EHBP1L1: variants seen among roughly 807,000 people sequenced by gnomAD.
The protein encoded by EHBP1L1 is EH domain-binding protein 1-like protein 1.
In EHBP1L1, 122 loss-of-function variants were observed where a neutral mutation model predicts 151.1. The observed-to-expected ratio is 0.81, with a 90% CI of 0.70 to 0.94. EHBP1L1 has a LOEUF of 0.94. Ranked by LOEUF, EHBP1L1 falls within the 40% of genes least tolerant of loss-of-function variation. EHBP1L1 has a pLI of 0.00. For missense variants in EHBP1L1, 1,941 were observed against 1,959.8 expected, an observed-to-expected ratio of 0.99 and a Z score of 0.18; for synonymous variants, 878 against 810.1, an observed-to-expected ratio of 1.08 and a Z score of -1.42.
At position 65,583,831 on chromosome 11, in the gene EHBP1L1, C is replaced by T. The variant is rs547109152; in HGVS notation, c.3093+66C>T. The T allele has an allele frequency of 5.6e-6, 8 of 1,435,278 alleles. No individual in the cohort carries two copies. The East Asian group carries it at 1.0e-4, about 18-fold the overall frequency. The allele number at this position is 1,435,278 out of a possible 1,614,324, so 88.9% of individuals were successfully genotyped here. ...CACTAACCTGGGGCTGAGCGAACGG[C>T]GGCTCTGCATGGACCCACCTGGTGG... On this transcript the variant is annotated intron_variant, in intron 9 of 18. Transcript: ENST00000309295.
In EHBP1L1 at chr11:65,581,568, CCCCCA is replaced by C; in HGVS notation, c.902_906del (p.Thr301SerfsTer9). 6.6e-7 allele frequency: 1 copy of C among 1,510,052 alleles called. No individual in the cohort carries two copies. The highest frequency in any genetic ancestry group is 8.8e-7 in the Non-Finnish European group (1 of 1,130,150). 93.5% of individuals were successfully genotyped at this position (1,510,052 alleles called of 1,614,324 possible). On this transcript the variant is annotated frameshift_variant, in exon 9 of 19. Transcript: ENST00000309295. LOFTEE classifies it high-confidence loss of function. Reference sequence around the variant, plus strand: ...TCAAGGCAGCCAGCCCAGGACACGGCCCCCACCCCAGCCCCTCGGCTCCGGAAAGG... The same window carrying C: ...TCAAGGCAGCCAGCCCAGGACACGGCCCCCAGCCCCTCGGCTCCGGAAAGG...
intron 2 of EHBP1L1, 29 bp from the exon 3 acceptor site, chr11:65,579,311 TG>T: frequency 2.0e-6 from 3 of 1,487,958 alleles, no homozygotes; most frequent in South Asian, 1.3e-5. Flanking sequence ...AGAGTTAAGA[TG>T]GGGGGAGGAC....
At chr11:65,577,577 C>G (rs1857391334) in intron 1 of EHBP1L1, among the ~76,000 whole-genome samples, 1 of 152,116 alleles carries the variant, frequency 6.6e-6, no homozygotes, top group African/African-American at 2.4e-5. Context: ...GCTGCTTAGC[C>G]TGGAGCCCAG....
chr11:65,584,742 C>T lies in EHBP1L1; in HGVS notation c.3300+208C>T, dbSNP rs929876094. 8.1e-6 allele frequency: 8 copies of T among 985,728 alleles called. No homozygotes were observed. In the African/African-American group the frequency reaches 1.3e-4, roughly 16 times the overall value. The allele number at this position is 985,728 out of a possible 1,614,324, so 61.1% of individuals were successfully genotyped here. ...TTTTTCCTCCCTTAGATGGTTTTTC[C>T]AAAACCACCCTTTGGTAACGGGGTG... On this transcript the variant is annotated intron_variant, in intron 11 of 18. Coordinates refer to ENST00000309295, the MANE Select transcript of EHBP1L1 (RefSeq NM_001099409.3).
In EHBP1L1 at chr11:65,583,270, C is replaced by T. The variant is rs1212863068; in HGVS notation, c.2598C>T (p.Thr866=). The T allele has an allele frequency of 3.7e-6, 6 of 1,613,444 alleles. No homozygotes were observed. Among genetic ancestry groups the T allele is most frequent in the East Asian group, 4.5e-5 (2 of 44,874 alleles). The part of the protein sequence containing the change: ...AGMAEARVLM[T]RKTEIIVPEA... ...TGGCAGAGGCCCGAGTACTGATGAC[C>T]CGTAAGACAGAAATTATAGTTCCAG... The change falls in exon 9 of 19, where the codon ACC becomes ACT. Residue 866 remains threonine, a synonymous_variant. Coordinates refer to ENST00000309295, the MANE Select transcript of EHBP1L1 (RefSeq NM_001099409.3).
Position 65,576,964 on chromosome 11 carries a change from TGAG to T in EHBP1L1, c.104+563_104+565del, listed in dbSNP as rs535897760. On this transcript the variant is annotated intron_variant, in intron 1 of 18. Transcript: ENST00000309295. ...AGGGGAAACTGAGTGCTGGGAGGATTGAGGAGGGAGGCGGGGAGCAGCTTAAAG... is the reference window on the plus strand; with the variant it reads ...AGGGGAAACTGAGTGCTGGGAGGATTGAGGGAGGCGGGGAGCAGCTTAAAG... 2.9e-3 allele frequency among the ~76,000 whole-genome samples: 443 copies of T among 151,256 alleles called. 2 individuals carry two copies. Among genetic ancestry groups the T allele is most frequent in the Non-Finnish European group, 5.1e-3 (342 of 67,662 alleles).
chr11:65,585,320 G>A lies in EHBP1L1; in HGVS notation c.3662G>A (p.Gly1221Asp). 9.2e-7 allele frequency: 1 copy of A among 1,085,924 alleles called. No individual in the cohort carries two copies. The highest frequency in any genetic ancestry group is 1.1e-6 in the Non-Finnish European group (1 of 894,838). 67.3% of individuals were successfully genotyped at this position (1,085,924 alleles called of 1,614,324 possible). A position where few individuals can be genotyped will look rare whatever the true frequency, so the allele number is the denominator to read the frequency against. ...NAVAGRASKD[G>D]GAEAPRESRP... Reference sequence around the variant, plus strand: ...GTCGCGGGCCGCGCCTCCAAGGACGGCGGGGCCGAGGCCCCCCGAGAGTCG... The same window carrying A: ...GTCGCGGGCCGCGCCTCCAAGGACGACGGGGCCGAGGCCCCCCGAGAGTCG... The change falls in exon 12 of 19, where the codon GGC (glycine) becomes GAC (aspartate). Residue 1221 changes from glycine to aspartate, a missense_variant. Gly to Asp is a moderately conservative substitution (Grantham distance 94). Transcript: ENST00000309295. This position sits in a 1 kb window ranked among gnomAD's most constrained non-coding sequence, Gnocchi z 4.0.
Position 65,582,846 on chromosome 11 carries a change from G to A in EHBP1L1, c.2174G>A (p.Gly725Glu). 3 of 1,613,428 alleles carry A rather than the reference G, an allele frequency of 1.9e-6. No homozygotes were observed. The highest frequency in any genetic ancestry group is 1.1e-5 in the South Asian group (1 of 91,076). ...EAEGTEAKIL[G>E]TQEITARDSG... ...GAGGGGACAGAAGCTAAAATATTAGGGACCCAGGAGATAACAGCTAGGGAT... is the reference window on the plus strand; with the variant it reads ...GAGGGGACAGAAGCTAAAATATTAGAGACCCAGGAGATAACAGCTAGGGAT... The change falls in exon 9 of 19, where the codon GGG becomes GAG. Residue 725 changes from glycine (G) to glutamate (E), a missense_variant. Physicochemically the swap from Gly to Glu is moderately conservative, Grantham distance 98. Coordinates refer to ENST00000309295, the MANE Select transcript of EHBP1L1 (RefSeq NM_001099409.3).
chr11:65,584,616 C>T, intron 11 of EHBP1L1, 82 bp downstream of exon 11: 1 of 1,539,458 alleles, frequency 6.5e-7, no homozygotes, highest in South Asian at 1.2e-5. Flanking sequence ...AGAAAGTGGA[C>T]TGCCGGGCCC....
At chr11:65,590,421 C>T (rs1192337958) in intron 15 of EHBP1L1, 72 bp from the exon 16 acceptor site, 14 of 1,562,716 alleles carry the variant, frequency 9.0e-6, no homozygotes, top group Non-Finnish European at 1.2e-5. Context: ...AAACCCCCTC[C>T]CCCAACCCCC....
rs774927469 is a variant in EHBP1L1, at chr11:65,583,454, G to A, written c.2782G>A (p.Glu928Lys). The A allele has an allele frequency of 6.2e-7, 1 of 1,613,642 alleles. No homozygotes were observed. The highest frequency in any genetic ancestry group is 8.5e-7 in the Non-Finnish European group (1 of 1,179,790). The change falls in exon 9 of 19, where the codon GAG (glutamate) becomes AAG (lysine). Residue 928 changes from glutamate to lysine, a missense_variant. Transcript: ENST00000309295. The part of the protein sequence containing the change: ...KAEISGVQGS[E>K]TQVLRVQEAE... ...AGAGATTTCAGGAGTACAAGGGTCA[G>A]AGACTCAAGTTCTGAGAGTCCAGGA...
intron 12 of EHBP1L1, among the ~76,000 whole-genome samples, chr11:65,588,233 T>C (rs1181226057): frequency 6.6e-6 from 1 of 151,934 alleles, no homozygotes; most frequent in Non-Finnish European, 1.5e-5. Flanking sequence ...GAGGTCACGT[T>C]GGTACCAGGC....
intron 11 of EHBP1L1, 121 bp from the exon 12 acceptor site, chr11:65,584,838 G>C (rs1158922997): frequency 1.3e-5 from 17 of 1,328,058 alleles, no homozygotes; most frequent in Middle Eastern, 2.6e-4. Flanking sequence ...GGAGGGGGCG[G>C]TGTTGCTAGG....
In EHBP1L1 at chr11:65,576,412, T is replaced by G. The variant is rs1327562135; in HGVS notation, c.104+6T>G. The G allele has an allele frequency of 6.4e-7, 1 of 1,571,822 alleles. No individual in the cohort carries two copies. Among genetic ancestry groups the G allele is most frequent in the Non-Finnish European group, 8.6e-7 (1 of 1,158,752 alleles). On this transcript the variant is annotated splice_donor_region_variant and intron_variant, in intron 1 of 18. Coordinates refer to ENST00000309295, the MANE Select transcript of EHBP1L1 (RefSeq NM_001099409.3). Reference sequence around the variant, plus strand: ...TTGGAGTGCACCAAGAAATGGTGAGTGGGAGGGAGGCGGGGGGGCTCCCCC... The same window carrying G: ...TTGGAGTGCACCAAGAAATGGTGAGGGGGAGGGAGGCGGGGGGGCTCCCCC...
At chr11:65,580,758 C>A (rs559004753) in intron 6 of EHBP1L1, among the ~76,000 whole-genome samples, 22 of 152,286 alleles carry the variant, frequency 1.4e-4, no homozygotes, top group African/African-American at 5.1e-4. Context: ...CGTACCTGAC[C>A]CAGGACAGCT....
intron 1 of EHBP1L1, among the ~76,000 whole-genome samples, chr11:65,578,602 C>T (rs1309942927): frequency 2.6e-5 from 4 of 152,230 alleles, no homozygotes; most frequent in African/African-American, 9.7e-5. Flanking sequence ...CTTTTGCCCT[C>T]CTCTGTCCCC....
At position 65,579,130 on chromosome 11, in the gene EHBP1L1, TC is replaced by T; in HGVS notation, c.159del (p.Lys54ArgfsTer29). 6.3e-7 allele frequency: 1 copy of T among 1,592,452 alleles called. No homozygotes were observed. The highest frequency in any genetic ancestry group is 8.5e-7 in the Non-Finnish European group (1 of 1,169,962). Reference sequence around the variant, plus strand: ...GACCCGTCGGAACCGACGCATCTGCTCCAAGGTGGGGAAGGATGGCAACTGG... The same window carrying T: ...GACCCGTCGGAACCGACGCATCTGCTCAAGGTGGGGAAGGATGGCAACTGG... ...VWTRRNRRIC[S>X]KAHSWQPGIQ... On this transcript the variant is annotated frameshift_variant, in exon 2 of 19. Transcript: ENST00000309295. LOFTEE classifies it high-confidence loss of function.
At chr11:65,577,328 C>A (rs1857380467) in intron 1 of EHBP1L1, among the ~76,000 whole-genome samples, 1 of 152,192 alleles carries the variant, frequency 6.6e-6, no homozygotes, top group South Asian at 2.1e-4. Context: ...AAGCAGGAGG[C>A]TGGGGTCCCT....
rs779727708 is a variant in EHBP1L1 at position 65,581,322 on chromosome 11, G to T, written c.815G>T (p.Gly272Val). The change falls in exon 8 of 19, where the codon GGC becomes GTC. Residue 272 changes from glycine to valine, a missense_variant. Gly to Val is a moderately radical substitution (Grantham distance 109). Coordinates refer to ENST00000309295, the MANE Select transcript of EHBP1L1 (RefSeq NM_001099409.3). ...TCAGAACGAGCTAATGAAGCGGGGG[G>T]CCAGGTAGGCCCTGAGGCCCCAAGG... ...QGSERANEAG[G>V]QVGPEAPRPP... 28 of 1,609,436 alleles carry T rather than the reference G, an allele frequency of 1.7e-5. No homozygotes were observed. The South Asian group carries it at 2.6e-4, about 15-fold the overall frequency.
Sources: gnomAD v4.1 joint callset for allele counts (sites outside exome capture counted in the v4.1 genomes callset) on GRCh38, gnomAD v4.1.1 for gene constraint, Gnocchi (gnomAD v3.1) non-coding constraint, MANE v1.5 for transcripts, NCBI Gene and HGNC (gene_info 2026-07-23, HGNC 2026-07-21) for gene names.